NCKAP1: variants seen among roughly 807,000 people sequenced by gnomAD.
NCKAP1 encodes NCK associated protein 1, also known as nck-associated protein 1.
A neutral mutation model predicts 151.2 loss-of-function variants in NCKAP1; 21 were observed. That is an observed-to-expected ratio of 0.14 (90% CI 0.10 to 0.20). The LOEUF (loss-of-function observed/expected upper bound fraction) is 0.20, where lower values mean the gene tolerates loss of function less well. Ranked by LOEUF, NCKAP1 falls within the 10% of genes least tolerant of loss-of-function variation. The pLI is 1.00. For missense variants in NCKAP1, 933 were observed against 1,352.1 expected (o/e 0.69, Z 4.86); for synonymous variants, 484 against 451.8 (o/e 1.07, Z -0.90).
At chr2:182,984,793 A>C (rs531004631) in intron 10 of NCKAP1, among the ~76,000 whole-genome samples, 2 of 152,274 alleles carry the variant, frequency 1.3e-5, no homozygotes, top group East Asian at 3.9e-4. Flanking sequence ...TACTGTGAGG[A>C]GTCTGTGATG....
chr2:182,997,121 T>C (rs1486941573), intron 6 of NCKAP1, among the ~76,000 whole-genome samples: 1 of 152,174 alleles, frequency 6.6e-6, no homozygotes, highest in Non-Finnish European at 1.5e-5. Flanking sequence ...TTGTGGTTAT[T>C]TGCATCTTCT....
At chr2:183,030,971 G>A (rs1698994123) in intron 1 of NCKAP1, among the ~76,000 whole-genome samples, 1 of 152,014 alleles carries the variant, frequency 6.6e-6, no homozygotes, top group African/African-American at 2.4e-5. Flanking sequence ...TTCCCTCTTA[G>A]GTAGGTAAAA....
intron 18 of NCKAP1, among the ~76,000 whole-genome samples, chr2:182,960,991 C>T (rs915389483): frequency 3.3e-5 from 5 of 152,202 alleles, no homozygotes; most frequent in Admixed American, 3.3e-4. Flanking sequence ...TGCTCATCAT[C>T]ACTGGCCATC....
At chr2:182,961,190 T>C (rs1193227614) in intron 18 of NCKAP1, among the ~76,000 whole-genome samples, 1 of 152,212 alleles carries the variant, frequency 6.6e-6, no homozygotes, top group Non-Finnish European at 1.5e-5. Flanking sequence ...CTCAAGGATC[T>C]AGAACTAGAA....
rs1319081521 is a variant in NCKAP1 at position 182,914,146 on chromosome 2, G to C, written c.*11556C>G. On this transcript the variant is annotated 3_prime_UTR_variant, in exon 31 of 31. Coordinates refer to ENST00000361354, the MANE Select transcript of NCKAP1 (RefSeq NM_013436.5). ...CTCCCCTTAAATGAAGTTATAGTTAGGGCAGGTAATCGTAGACAAGACTAG... is the reference window on the plus strand; with the variant it reads ...CTCCCCTTAAATGAAGTTATAGTTACGGCAGGTAATCGTAGACAAGACTAG... The C allele has an allele frequency of 2.0e-5, 3 of 152,168 alleles. No individual in the cohort carries two copies. The highest frequency in any genetic ancestry group is 2.9e-5 in the Non-Finnish European group (2 of 68,028). The allele number at this position is 152,168 out of a possible 1,614,324, so 9.4% of individuals were successfully genotyped here.
intron 16 of NCKAP1, among the ~76,000 whole-genome samples, chr2:182,965,914 A>C (rs866992667): frequency 1.2e-4 from 18 of 152,128 alleles, no homozygotes; most frequent in African/African-American, 4.1e-4. Context: ...ATGTGCCTAA[A>C]TCTAAAAAGT....
intron 8 of NCKAP1, among the ~76,000 whole-genome samples, chr2:182,993,267 G>GT (rs981516457): frequency 4.1e-4 from 63 of 152,272 alleles, no homozygotes; most frequent in African/African-American, 1.5e-3. Flanking sequence ...TCATTATGCA[G>GT]TAAGTTTTGC....
Position 182,987,940 on chromosome 2 carries a change from C to A in NCKAP1, c.947+1090G>T, listed in dbSNP as rs549956514. Among the ~76,000 whole-genome samples the A allele has an allele frequency of 8.5e-5, 13 of 152,200 alleles. No individual in the cohort carries two copies. The East Asian group carries it at 1.5e-3, about 18-fold the overall frequency. ...GACCAGAAAGAAGCACAAAAGAATT[C>A]TCCAGAGATGATGGAAATGTTCTTA... is the stretch of plus-strand genomic sequence containing the variant. On this transcript the variant is annotated intron_variant, in intron 9 of 30. Transcript: ENST00000361354.
At chr2:182,966,834 G>C (rs1277346074) in intron 16 of NCKAP1, among the ~76,000 whole-genome samples, 2 of 152,174 alleles carry the variant, frequency 1.3e-5, no homozygotes, top group African/African-American at 4.8e-5. Flanking sequence ...TTACATCATA[G>C]AAGTGAAGTT....
intron 26 of NCKAP1, among the ~76,000 whole-genome samples, chr2:182,933,963 A>G (rs569165274): frequency 6.6e-6 from 1 of 152,302 alleles, no homozygotes; most frequent in Admixed American, 6.5e-5. Flanking sequence ...AAAAACTGTA[A>G]GCTCACAGAA....
chr2:183,023,119 G>A (rs1421212623), intron 2 of NCKAP1: 1 of 152,020 alleles, frequency 6.6e-6, no homozygotes, highest in Non-Finnish European at 1.5e-5. Flanking sequence ...AGAGAAGACA[G>A]GCAGAAAGAT....
chr2:183,003,513 T>C (rs943667365), intron 2 of NCKAP1, among the ~76,000 whole-genome samples, 188 bp from the exon 3 acceptor site: 1 of 152,092 alleles, frequency 6.6e-6, no homozygotes, highest in African/African-American at 2.4e-5. Flanking sequence ...CAACTGACAG[T>C]GTGAGGCTAT....
At chr2:182,989,956 C>T (rs1160127948) in intron 8 of NCKAP1, among the ~76,000 whole-genome samples, 1 of 151,626 alleles carries the variant, frequency 6.6e-6, no homozygotes, top group African/African-American at 2.4e-5. Flanking sequence ...TGCCACTGCA[C>T]TCCGGCCTGG....
In NCKAP1 at chr2:182,924,903, GTTTAT is replaced by G. The variant is rs546983046; in HGVS notation, c.*794_*798del. On this transcript the variant is annotated 3_prime_UTR_variant, in exon 31 of 31. Transcript: ENST00000361354. ...CAATCGAAGTGTGATACAGTCTAGT[GTTTAT>G]TTTATGTTATGGCAGGTACACTTGA... 8.8e-4 allele frequency: 134 copies of G among 152,156 alleles called. No homozygotes were observed. The highest frequency in any genetic ancestry group is 3.2e-3 in the African/African-American group (133 of 41,546). 9.4% of individuals were successfully genotyped at this position (152,156 alleles called of 1,614,324 possible).
chr2:182,999,702 G>A (rs963247642), intron 6 of NCKAP1, among the ~76,000 whole-genome samples: 8 of 152,132 alleles, frequency 5.3e-5, no homozygotes, highest in African/African-American at 7.2e-5. Context: ...ACTTGCACTC[G>A]TATGTTCACT....
intron 16 of NCKAP1, 40 bp downstream of exon 16, chr2:182,967,176 A>G (rs1697589187): frequency 6.4e-7 from 1 of 1,564,334 alleles, no homozygotes; most frequent in Non-Finnish European, 8.7e-7. Flanking sequence ...ATCGCATACT[A>G]AAACTTTCAA....
At position 182,952,293 on chromosome 2, in the gene NCKAP1, G is replaced by C. The variant is rs991832037; in HGVS notation, c.2601+112C>G. On this transcript the variant is annotated intron_variant, in intron 23 of 30. Coordinates refer to ENST00000361354, the MANE Select transcript of NCKAP1 (RefSeq NM_013436.5). ...CTATTTAATTTTCATTTTCATATTA[G>C]TACTTTCATGTTGGATTAAAATAAT... 18 of 612,724 alleles carry C rather than the reference G, an allele frequency of 2.9e-5. No individual in the cohort carries two copies. In the East Asian group the frequency reaches 4.2e-4, roughly 14 times the overall value. 38.0% of individuals were successfully genotyped at this position (612,724 alleles called of 1,614,324 possible).
chr2:183,000,268 T>A (rs1450519336), intron 6 of NCKAP1, among the ~76,000 whole-genome samples: 1 of 152,218 alleles, frequency 6.6e-6, no homozygotes, highest in African/African-American at 2.4e-5. Flanking sequence ...AAATGAATTA[T>A]CCTATGTAAT....
At chr2:182,999,346 A>T (rs931336915) in intron 6 of NCKAP1, among the ~76,000 whole-genome samples, 1 of 152,210 alleles carries the variant, frequency 6.6e-6, no homozygotes, top group African/African-American at 2.4e-5. Context: ...GTCAATAAAC[A>T]CTTCTCAAAA....
Sources: gnomAD v4.1 joint callset for allele counts (sites outside exome capture counted in the v4.1 genomes callset) on GRCh38, gnomAD v4.1.1 for gene constraint, MANE v1.5 for transcripts, NCBI Gene and HGNC (gene_info 2026-07-23, HGNC 2026-07-21) for gene names.